CDPF1: variants seen among roughly 807,000 people sequenced by gnomAD.
CDPF1 encodes the protein cysteine rich DPF motif domain containing 1.
In CDPF1, 8 loss-of-function variants were observed where a neutral mutation model predicts 8.3. That is an observed-to-expected ratio of 0.96 (90% CI 0.57 to 1.74). The LOEUF (loss-of-function observed/expected upper bound fraction) is 1.74, where lower values mean the gene tolerates loss of function less well. CDPF1 is among the 40% of genes most tolerant of loss of function. CDPF1 has a pLI of 0.00. For missense variants in CDPF1, 151 were observed against 155.3 expected, an observed-to-expected ratio of 0.97 and a Z score of 0.15; for synonymous variants, 62 against 62.9, an observed-to-expected ratio of 0.99 and a Z score of 0.07.
Position 46,247,833 on chromosome 22 carries a change from C to G in CDPF1, c.113+339G>C, listed in dbSNP as rs370833992. Among the ~76,000 whole-genome samples the G allele has an allele frequency of 1.3e-5, 2 of 152,342 alleles. No homozygotes were observed. The highest frequency in any genetic ancestry group is 4.1e-4 in the South Asian group (2 of 4,834). On this transcript the variant is annotated intron_variant, in intron 2 of 3. Coordinates refer to ENST00000314567, the MANE Select transcript of CDPF1 (RefSeq NM_207327.5). The surrounding 1 kb of genome is among the most constrained non-coding windows in gnomAD (Gnocchi z 4.3). ...AGCCCCCTGACCCACTGGCTCTAAT[C>G]CAGGTCTGCAGGGGAGACAGGCCTC... is the stretch of plus-strand genomic sequence containing the variant.
At position 46,248,114 on chromosome 22, in the gene CDPF1, C is replaced by A; in HGVS notation, c.113+58G>T. 1 of 1,248,950 alleles carries A rather than the reference C, an allele frequency of 8.0e-7. No individual in the cohort carries two copies. 77.4% of individuals were successfully genotyped at this position (1,248,950 alleles called of 1,614,324 possible). A position where few individuals can be genotyped will look rare whatever the true frequency, so the allele number is the denominator to read the frequency against. The stretch of plus-strand genomic sequence containing the variant: ...AGTTGTCAGACCTAGGCACACCACC[C>A]ACCAACCAGCACTGGGCACAGGCCT... On this transcript the variant is annotated intron_variant, in intron 2 of 3. Transcript: ENST00000314567. This position sits in a 1 kb window ranked among gnomAD's most constrained non-coding sequence, Gnocchi z 4.1.
rs566926911 is a variant in CDPF1, at chr22:46,246,886, G to A, written c.225+224C>T. 2 of 1,512,016 alleles carry A rather than the reference G, an allele frequency of 1.3e-6. No homozygotes were observed. The highest frequency in any genetic ancestry group is 2.5e-5 in the South Asian group (2 of 78,582). 93.7% of individuals were successfully genotyped at this position (1,512,016 alleles called of 1,614,324 possible). On this transcript the variant is annotated intron_variant, in intron 3 of 3. Coordinates refer to ENST00000314567, the MANE Select transcript of CDPF1 (RefSeq NM_207327.5). This position sits in a 1 kb window ranked among gnomAD's most constrained non-coding sequence, Gnocchi z 7.1. ...GGGAGGAACCCTGAGGGGCCACTGG[G>A]GTGGGTGCAGAGCCACCAATTACCT...
Position 46,247,243 on chromosome 22 carries a change from G to A in CDPF1, c.114-22C>T, listed in dbSNP as rs369413728. ...GAGGCTGCAGGAGAGTGAATGCAGC[G>A]TCAGAACAGCCCAAATCTCTGCCGT... On this transcript the variant is annotated intron_variant, in intron 2 of 3. Coordinates refer to ENST00000314567, the MANE Select transcript of CDPF1 (RefSeq NM_207327.5). This position sits in a 1 kb window ranked among gnomAD's most constrained non-coding sequence, Gnocchi z 4.3. The A allele has an allele frequency of 4.2e-5, 63 of 1,517,754 alleles. No homozygotes were observed. In the Admixed American group the frequency reaches 5.1e-4, roughly 12 times the overall value. 94.0% of individuals were successfully genotyped at this position (1,517,754 alleles called of 1,614,324 possible). A position where few individuals can be genotyped will look rare whatever the true frequency, so the allele number is the denominator to read the frequency against.
rs781692059 is a variant in CDPF1, at chr22:46,247,169, T to C, written c.166A>G (p.Arg56Gly). 1 of 1,614,138 alleles carries C rather than the reference T, an allele frequency of 6.2e-7. No homozygotes were observed. Among genetic ancestry groups the C allele is most frequent in the Non-Finnish European group, 8.5e-7 (1 of 1,179,998 alleles). Reference sequence around the variant, plus strand: ...CAGCACGAGCCGAGGACCAGGAATCTGTCCTTGTCGGAGGTGAAGGGATCC... The same window carrying C: ...CAGCACGAGCCGAGGACCAGGAATCCGTCCTTGTCGGAGGTGAAGGGATCC... ...MKDPFTSDKD[R>G]FLVLGSCCSL... Residue 56 changes from arginine to glycine, a missense_variant, in exon 3 of 4, where the codon AGA becomes GGA. Coordinates refer to ENST00000314567, the MANE Select transcript of CDPF1 (RefSeq NM_207327.5). This position sits in a 1 kb window ranked among gnomAD's most constrained non-coding sequence, Gnocchi z 4.3.
At position 46,246,705 on chromosome 22, in the gene CDPF1, G is replaced by A. The variant is rs1936495096; in HGVS notation, c.225+405C>T. The A allele has an allele frequency of 4.4e-6, 7 of 1,594,966 alleles. No homozygotes were observed. Among genetic ancestry groups the A allele is most frequent in the Non-Finnish European group, 6.0e-6 (7 of 1,171,094 alleles). ...AGGGGCAGGACTGAATGAAGCCTCA[G>A]CAGTAAAACAGGTCCCAAGCACAGG... On this transcript the variant is annotated intron_variant, in intron 3 of 3. Coordinates refer to ENST00000314567, the MANE Select transcript of CDPF1 (RefSeq NM_207327.5). The surrounding 1 kb of genome is among the most constrained non-coding windows in gnomAD (Gnocchi z 7.1).
chr22:46,246,960 C>T lies in CDPF1; in HGVS notation c.225+150G>A. The T allele has an allele frequency of 7.8e-7, 1 of 1,278,400 alleles. No individual in the cohort carries two copies. The highest frequency in any genetic ancestry group is 1.1e-6 in the Non-Finnish European group (1 of 925,436). 79.2% of individuals were successfully genotyped at this position (1,278,400 alleles called of 1,614,324 possible). A position where few individuals can be genotyped will look rare whatever the true frequency, so the allele number is the denominator to read the frequency against. ...AGACCCTCTAACTGACCCTAGCTTG[C>T]CCTCTCACCTCTCCCCTTCATCAGC... On this transcript the variant is annotated intron_variant, in intron 3 of 3. Transcript: ENST00000314567. The surrounding 1 kb of genome is among the most constrained non-coding windows in gnomAD (Gnocchi z 7.1).
In CDPF1 at chr22:46,246,532, C is replaced by A; in HGVS notation, c.225+578G>T. 9.8e-7 allele frequency: 1 copy of A among 1,022,826 alleles called. No homozygotes were observed. The highest frequency in any genetic ancestry group is 1.4e-6 in the Non-Finnish European group (1 of 705,726). The allele number at this position is 1,022,826 out of a possible 1,614,324, so 63.4% of individuals were successfully genotyped here. On this transcript the variant is annotated intron_variant, in intron 3 of 3. Coordinates refer to ENST00000314567, the MANE Select transcript of CDPF1 (RefSeq NM_207327.5). The surrounding 1 kb of genome is among the most constrained non-coding windows in gnomAD (Gnocchi z 7.1). ...AGACTCTGGGGTCACTCTGAGTACACTGGGCACGCTGTGAAAGCCATGCTG... is the reference window on the plus strand; with the variant it reads ...AGACTCTGGGGTCACTCTGAGTACAATGGGCACGCTGTGAAAGCCATGCTG...
chr22:46,248,281 C>T lies in CDPF1; in HGVS notation c.4G>A (p.Ala2Thr), dbSNP rs141823652. The change falls in exon 2 of 4, where the codon GCG becomes ACG. Residue 2 changes from alanine (A) to threonine (T), a missense_variant. Coordinates refer to ENST00000314567, the MANE Select transcript of CDPF1 (RefSeq NM_207327.5). The surrounding 1 kb of genome is among the most constrained non-coding windows in gnomAD (Gnocchi z 4.1). Reference protein sequence around the residue: MASHVECRPLGV... With the variant: MTSHVECRPLGV... ...AGAGGACGGCACTCTACATGGGACG[C>T]CATCTGCAAGATCAAGAGATGGGGT... is the stretch of plus-strand genomic sequence containing the variant. The T allele has an allele frequency of 9.0e-5, 144 of 1,603,778 alleles. No homozygotes were observed. The African/African-American group carries it at 1.8e-3, about 20-fold the overall frequency.
Position 46,247,182 on chromosome 22 carries a change from G to A in CDPF1, c.153C>T (p.Thr51=), listed in dbSNP as rs1191502436. ...EESYVMKDPF[T]SDKDRFLVLG... is the part of the protein sequence containing the mutation. ...GGACCAGGAATCTGTCCTTGTCGGA[G>A]GTGAAGGGATCCTTCATGACATAGC... The change falls in exon 3 of 4, where the codon ACC becomes ACT. Residue 51 remains threonine, a synonymous_variant. Transcript: ENST00000314567. The surrounding 1 kb of genome is among the most constrained non-coding windows in gnomAD (Gnocchi z 4.3). 4 of 1,614,072 alleles carry A rather than the reference G, an allele frequency of 2.5e-6. No homozygotes were observed. The highest frequency in any genetic ancestry group is 1.1e-5 in the South Asian group (1 of 91,068).
At position 46,247,826 on chromosome 22, in the gene CDPF1, C is replaced by G. The variant is rs897256338; in HGVS notation, c.113+346G>C. 6.6e-6 allele frequency among the ~76,000 whole-genome samples: 1 copy of G among 152,234 alleles called. No individual in the cohort carries two copies. The highest frequency in any genetic ancestry group is 6.5e-5 in the Admixed American group (1 of 15,284). On this transcript the variant is annotated intron_variant, in intron 2 of 3. Transcript: ENST00000314567. This position sits in a 1 kb window ranked among gnomAD's most constrained non-coding sequence, Gnocchi z 4.3. ...AGAGATAAGCCCCCTGACCCACTGG[C>G]TCTAATCCAGGTCTGCAGGGGAGAC...
rs544541192 is a variant in CDPF1, at chr22:46,246,571, C to T, written c.225+539G>A. The T allele has an allele frequency of 2.3e-4, 324 of 1,389,986 alleles. 2 individuals carry two copies. In the African/African-American group the frequency reaches 4.2e-3, roughly 18 times the overall value. 86.1% of individuals were successfully genotyped at this position (1,389,986 alleles called of 1,614,324 possible). On this transcript the variant is annotated intron_variant, in intron 3 of 3. Coordinates refer to ENST00000314567, the MANE Select transcript of CDPF1 (RefSeq NM_207327.5). This position sits in a 1 kb window ranked among gnomAD's most constrained non-coding sequence, Gnocchi z 7.1. The stretch of plus-strand genomic sequence containing the variant: ...AAAGCCATGCTGCTCCACTTCCATC[C>T]GTCCTTGGGTTTACAGCTACCCAGG...
chr22:46,245,819 T>C lies in CDPF1; in HGVS notation c.226-581A>G, dbSNP rs1936482638. Among the ~76,000 whole-genome samples the C allele has an allele frequency of 6.6e-6, 1 of 152,218 alleles. No homozygotes were observed. Reference sequence around the variant, plus strand: ...CCCCCTCTGTAACTGGGCATCGCCATGTGACTCAGGCTGGTTAGGGGCGTC... The same window carrying C: ...CCCCCTCTGTAACTGGGCATCGCCACGTGACTCAGGCTGGTTAGGGGCGTC... On this transcript the variant is annotated intron_variant, in intron 3 of 3. Transcript: ENST00000314567. This position sits in a 1 kb window ranked among gnomAD's most constrained non-coding sequence, Gnocchi z 6.9.
rs1936526497 is a variant in CDPF1, at chr22:46,248,514, A to G, written c.1-230T>C. 6.6e-6 allele frequency among the ~76,000 whole-genome samples: 1 copy of G among 152,218 alleles called. No homozygotes were observed. Among genetic ancestry groups the G allele is most frequent in the Non-Finnish European group, 1.5e-5 (1 of 68,042 alleles). ...GGTTTTTGTACTGCTAGAGAGAAGG[A>G]TCCAGACAGGATCAAGCCAGAGCAC... On this transcript the variant is annotated intron_variant, in intron 1 of 3. Coordinates refer to ENST00000314567, the MANE Select transcript of CDPF1 (RefSeq NM_207327.5). The surrounding 1 kb of genome is among the most constrained non-coding windows in gnomAD (Gnocchi z 4.1).
chr22:46,250,057 G>A (rs915514257), intron 1 of CDPF1, among the ~76,000 whole-genome samples, 199 bp downstream of exon 1: 5 of 152,126 alleles, frequency 3.3e-5, no homozygotes, highest in African/African-American at 1.2e-4. Flanking sequence ...AGGTCAGGGG[G>A]GACAGTCCCG....
rs552165509 is a variant in CDPF1, at chr22:46,248,143, C to T, written c.113+29G>A. ...AACCAGCACTGGGCACAGGCCTCCC[C>T]GGCACTGGCCCAAAAGGCATGCACT... On this transcript the variant is annotated intron_variant, in intron 2 of 3. Transcript: ENST00000314567. This position sits in a 1 kb window ranked among gnomAD's most constrained non-coding sequence, Gnocchi z 4.1. The T allele has an allele frequency of 4.1e-5, 63 of 1,532,116 alleles. No homozygotes were observed. In the South Asian group the frequency reaches 4.9e-4, roughly 12 times the overall value. 94.9% of individuals were successfully genotyped at this position (1,532,116 alleles called of 1,614,324 possible).
chr22:46,247,691 A>T lies in CDPF1; in HGVS notation c.114-470T>A, dbSNP rs1232835353. On this transcript the variant is annotated intron_variant, in intron 2 of 3. Coordinates refer to ENST00000314567, the MANE Select transcript of CDPF1 (RefSeq NM_207327.5). The surrounding 1 kb of genome is among the most constrained non-coding windows in gnomAD (Gnocchi z 4.3). ...ACTCAGGCTCCTGGTCAGCAGAGGG[A>T]CGACAGCCAGAAGGAAAAAGCCATG... Among the ~76,000 whole-genome samples, 1 of 152,198 alleles carries T rather than the reference A, an allele frequency of 6.6e-6. No individual in the cohort carries two copies. Among genetic ancestry groups the T allele is most frequent in the Non-Finnish European group, 1.5e-5 (1 of 68,034 alleles).
chr22:46,246,574 C>T lies in CDPF1; in HGVS notation c.225+536G>A, dbSNP rs1037162271. 1.5e-5 allele frequency: 22 copies of T among 1,423,134 alleles called. No homozygotes were observed. In the East Asian group the frequency reaches 1.7e-4, roughly 11 times the overall value. The allele number at this position is 1,423,134 out of a possible 1,614,324, so 88.2% of individuals were successfully genotyped here. A position where few individuals can be genotyped will look rare whatever the true frequency, so the allele number is the denominator to read the frequency against. On this transcript the variant is annotated intron_variant, in intron 3 of 3. Coordinates refer to ENST00000314567, the MANE Select transcript of CDPF1 (RefSeq NM_207327.5). The surrounding 1 kb of genome is among the most constrained non-coding windows in gnomAD (Gnocchi z 7.1). ...GCCATGCTGCTCCACTTCCATCCGT[C>T]CTTGGGTTTACAGCTACCCAGGTGA...
Position 46,249,640 on chromosome 22 carries a change from C to A in CDPF1, c.-1+616G>T, listed in dbSNP as rs959610417. ...CTCCAGCCTGGGCGACAGGGCGAGACTCCTTCTCAAAAAAATAAAAATTAA... is the reference window on the plus strand; with the variant it reads ...CTCCAGCCTGGGCGACAGGGCGAGAATCCTTCTCAAAAAAATAAAAATTAA... On this transcript the variant is annotated intron_variant, in intron 1 of 3. Transcript: ENST00000314567. The surrounding 1 kb of genome is among the most constrained non-coding windows in gnomAD (Gnocchi z 4.6). Among the ~76,000 whole-genome samples, 1 of 151,874 alleles carries A rather than the reference C, an allele frequency of 6.6e-6. No homozygotes were observed. Among genetic ancestry groups the A allele is most frequent in the East Asian group, 1.9e-4 (1 of 5,176 alleles).
Position 46,246,875 on chromosome 22 carries a change from G to A in CDPF1, c.225+235C>T. The A allele has an allele frequency of 6.6e-7, 1 of 1,523,642 alleles. No individual in the cohort carries two copies. Among genetic ancestry groups the A allele is most frequent in the Non-Finnish European group, 8.8e-7 (1 of 1,132,060 alleles). 94.4% of individuals were successfully genotyped at this position (1,523,642 alleles called of 1,614,324 possible). A position where few individuals can be genotyped will look rare whatever the true frequency, so the allele number is the denominator to read the frequency against. ...TTGGTGGGAAGGGGAGGAACCCTGA[G>A]GGGCCACTGGGGTGGGTGCAGAGCC... On this transcript the variant is annotated intron_variant, in intron 3 of 3. Transcript: ENST00000314567. This position sits in a 1 kb window ranked among gnomAD's most constrained non-coding sequence, Gnocchi z 7.1.
Sources: allele counts gnomAD v4.1 joint callset (sites outside exome capture counted in the v4.1 genomes callset), GRCh38; gene constraint gnomAD v4.1.1; non-coding constraint Gnocchi (gnomAD v3.1); transcripts MANE v1.5; gene names NCBI Gene and HGNC (gene_info 2026-07-23, HGNC 2026-07-21).